The following TENT2 variants were observed in gnomAD, a reference collection of about 807,000 sequenced individuals.
TENT2 encodes terminal nucleotidyltransferase 2, also known as poly(A) RNA polymerase GLD2.
TENT2 carries 44 observed loss-of-function variants against 72.2 expected under a neutral mutation model. That is an observed-to-expected ratio of 0.61 (90% CI 0.48 to 0.78). TENT2 has a LOEUF of 0.78. TENT2 is among the 30% of genes least tolerant of loss of function. The pLI, the probability that TENT2 is intolerant of heterozygous loss-of-function variation, is 0.00. For missense variants in TENT2, 541 were observed against 569.6 expected, an observed-to-expected ratio of 0.95 and a Z score of 0.51; for synonymous variants, 212 against 192.5, an observed-to-expected ratio of 1.10 and a Z score of -0.84.
chr5:79,626,821 A>G (rs961210910), intron 4 of TENT2, among the ~76,000 whole-genome samples: 11 of 151,632 alleles, frequency 7.3e-5, no homozygotes, highest in Admixed American at 4.6e-4. Context: ...ATTAAATCAG[A>G]CCTTTGAATG....
rs1415836533 is a variant in TENT2 at position 79,668,866 on chromosome 5, T to C, written c.1072-26T>C. On this transcript the variant is annotated intron_variant, in intron 11 of 14. Transcript: ENST00000453514. ...AGTGTGTGTTTTAAATGGCTTTACA[T>C]TTTTTCCCCTTCTTCTTTTTGACAG... The C allele has an allele frequency of 2.5e-6, 4 of 1,593,630 alleles. No individual in the cohort carries two copies. The Admixed American group carries it at 7.0e-5, about 28-fold the overall frequency.
chr5:79,629,958 A>AC (rs202178496), intron 4 of TENT2, among the ~76,000 whole-genome samples: 30,556 of 150,784 alleles, frequency 0.2, 4,541 homozygotes, highest in African/African-American at 0.42. Context: ...ATATGGTGAA[A>AC]CCCCGTCTCT....
intron 4 of TENT2, among the ~76,000 whole-genome samples, chr5:79,637,821 G>A (rs72768807): frequency 0.07 from 9,431 of 134,482 alleles, 424 homozygotes; most frequent in South Asian, 0.13. Flanking sequence ...TTTTTGTGAC[G>A]GAGTCGCATT....
rs570612434 is a variant in TENT2, at chr5:79,649,819, T to C, written c.1027+629T>C. On this transcript the variant is annotated intron_variant, in intron 10 of 14. Coordinates refer to ENST00000453514, the MANE Select transcript of TENT2 (RefSeq NM_001114394.3). ...CGGTACTGAAAATTTCCTAGACGTA[T>C]AGGACAGACTGACTGGATCTATTTG... is the stretch of plus-strand genomic sequence containing the variant. 9.2e-5 allele frequency among the ~76,000 whole-genome samples: 14 copies of C among 152,302 alleles called. No homozygotes were observed. The South Asian group carries it at 2.9e-3, about 32-fold the overall frequency.
rs1324458504 is a variant in TENT2 at position 79,687,919 on chromosome 5, G to A, written c.*2646G>A. ...TAGTGTTTAACAGATTGCCACAGCT[G>A]TGATTGAATTCCTTTTGTACTGGAT... On this transcript the variant is annotated 3_prime_UTR_variant, in exon 15 of 15. Coordinates refer to ENST00000453514, the MANE Select transcript of TENT2 (RefSeq NM_001114394.3). Among the ~76,000 whole-genome samples the A allele has an allele frequency of 6.6e-6, 1 of 152,240 alleles. No homozygotes were observed. The highest frequency in any genetic ancestry group is 2.4e-5 in the African/African-American group (1 of 41,470).
rs779530486 is a variant in TENT2 at position 79,645,124 on chromosome 5, G to A, written c.753G>A (p.Ser251=). The A allele has an allele frequency of 1.2e-5, 19 of 1,595,508 alleles. No homozygotes were observed. The highest frequency in any genetic ancestry group is 2.3e-5 in the East Asian group (1 of 43,736). ...LVHKHFCTRL[S]GYIERPQLIR... ...TTCACATTATCTTTTGTCTTTCAGC[G>A]GGCTACATTGAGAGACCTCAGCTGA... The change falls in exon 8 of 15, where the codon TCG becomes TCA. Residue 251 remains serine (S), a splice_region_variant and synonymous_variant. Coordinates refer to ENST00000453514, the MANE Select transcript of TENT2 (RefSeq NM_001114394.3).
intron 11 of TENT2, among the ~76,000 whole-genome samples, chr5:79,658,319 A>C (rs1799377875): frequency 6.6e-6 from 1 of 151,922 alleles, no homozygotes; most frequent in Admixed American, 6.6e-5. Flanking sequence ...AGGTAACTTG[A>C]ACTTTTTGGC....
chr5:79,658,765 T>C (rs78444755), intron 11 of TENT2, among the ~76,000 whole-genome samples: 1 of 152,182 alleles, frequency 6.6e-6, no homozygotes, highest in South Asian at 2.1e-4. Context: ...TGGCGAAATA[T>C]CAGTGTACTG....
At position 79,612,740 on chromosome 5, in the gene TENT2, GCCC is replaced by G. The variant is rs1756165795; in HGVS notation, c.-372_-370del. 6.6e-6 allele frequency: 1 copy of G among 152,550 alleles called. No homozygotes were observed. Among genetic ancestry groups the G allele is most frequent in the Non-Finnish European group, 1.5e-5 (1 of 68,138 alleles). 9.4% of individuals were successfully genotyped at this position (152,550 alleles called of 1,614,324 possible). A position where few individuals can be genotyped will look rare whatever the true frequency, so the allele number is the denominator to read the frequency against. On this transcript the variant is annotated 5_prime_UTR_variant, in exon 1 of 15. Transcript: ENST00000453514. Reference sequence around the variant, plus strand: ...ACTTCTGAACGGGCAGTGCGGGTAGGCCCTGCTTAGCCCTTCCCGGAGGACACC... The same window carrying G: ...ACTTCTGAACGGGCAGTGCGGGTAGGTGCTTAGCCCTTCCCGGAGGACACC...
At chr5:79,650,522 A>T (rs1280710319) in intron 10 of TENT2, among the ~76,000 whole-genome samples, 1 of 152,088 alleles carries the variant, frequency 6.6e-6, no homozygotes, top group Non-Finnish European at 1.5e-5. Flanking sequence ...AAAAGTATTG[A>T]AAAATATCCT....
intron 10 of TENT2, among the ~76,000 whole-genome samples, chr5:79,651,103 C>T (rs1164684388): frequency 6.6e-6 from 1 of 151,900 alleles, no homozygotes; most frequent in African/African-American, 2.4e-5. Flanking sequence ...AAAAAAAATA[C>T]ATTTCCCATG....
At chr5:79,672,653 G>C (rs1813838713) in intron 12 of TENT2, among the ~76,000 whole-genome samples, 1 of 152,138 alleles carries the variant, frequency 6.6e-6, no homozygotes, top group Admixed American at 6.5e-5. Context: ...TCTTTTGTAT[G>C]GCTCAATAGT....
At chr5:79,635,612 T>C (rs534207748) in intron 4 of TENT2, among the ~76,000 whole-genome samples, 1 of 152,280 alleles carries the variant, frequency 6.6e-6, no homozygotes, top group South Asian at 2.1e-4. Flanking sequence ...TGGAGTGCAG[T>C]TGCGCGATCT....
intron 4 of TENT2, among the ~76,000 whole-genome samples, chr5:79,630,317 G>T (rs182348715): frequency 6.6e-6 from 1 of 152,106 alleles, no homozygotes; most frequent in Non-Finnish European, 1.5e-5. Flanking sequence ...TGGGAGCCAG[G>T]CGCAGTGGCT....
intron 11 of TENT2, among the ~76,000 whole-genome samples, chr5:79,666,231 C>T (rs187855257): frequency 1.1e-4 from 15 of 142,292 alleles, no homozygotes; most frequent in East Asian, 4.0e-4. Flanking sequence ...TCGAGGGAAC[C>T]GCTCGCCTCG....
chr5:79,683,341 A>ACACC (rs1444239104), intron 14 of TENT2, among the ~76,000 whole-genome samples: 6 of 142,740 alleles, frequency 4.2e-5, no homozygotes, highest in African/African-American at 1.4e-4. Context: ...ACACACACAC[A>ACACC]CCCCACCTCA....
At chr5:79,637,571 C>T (rs1781105373) in intron 4 of TENT2, among the ~76,000 whole-genome samples, 1 of 152,056 alleles carries the variant, frequency 6.6e-6, no homozygotes. Context: ...AGACGACAGG[C>T]ACGCATCACC....
At chr5:79,619,578 G>T in intron 1 of TENT2, 34 bp from the exon 2 acceptor site, 1 of 1,436,720 alleles carries the variant, frequency 7.0e-7, no homozygotes, top group South Asian at 1.4e-5. Context: ...TTTAAGCTAT[G>T]ATAATTTAAT....
chr5:79,619,931 A>C, intron 2 of TENT2, 63 bp from the exon 3 acceptor site: 1 of 1,450,442 alleles, frequency 6.9e-7, no homozygotes. Flanking sequence ...TTTTTCAGAG[A>C]CTGGTTTTGT....
Sources: allele counts gnomAD v4.1 joint callset (sites outside exome capture counted in the v4.1 genomes callset), GRCh38; gene constraint gnomAD v4.1.1; transcripts MANE v1.5; gene names NCBI Gene and HGNC (gene_info 2026-07-23, HGNC 2026-07-21).